THOC5: variants seen among roughly 807,000 people sequenced by gnomAD.
THOC5 encodes THO complex subunit 5, also known as Fms-interacting protein.
Under a neutral mutation model 92.9 loss-of-function variants are expected in THOC5, and 43 were observed. The ratio of observed to expected loss-of-function variants is 0.46; its 90% CI spans 0.36 to 0.60. The LOEUF (loss-of-function observed/expected upper bound fraction) is 0.60, where lower values mean the gene tolerates loss of function less well. Among genes scored for constraint, THOC5 ranks in the 20% least tolerant of loss-of-function variants. The pLI, the probability that THOC5 is intolerant of heterozygous loss-of-function variation, is 0.00. For missense variants in THOC5, 659 were observed against 849.4 expected (o/e 0.78, Z 2.79); for synonymous variants, 296 against 320.1 (o/e 0.92, Z 0.80).
chr22:29,506,146 CT>C lies in THOC5; in HGVS notation c.*2310del, dbSNP rs1414165832. ...GTACTGATATTAAAGGCGTAAGCCA[CT>C]GTGCCCAGCCCATCTTATTTTTTAA... On this transcript the variant is annotated 3_prime_UTR_variant, in exon 20 of 20. Transcript: ENST00000490103. The C allele has an allele frequency of 6.6e-6, 1 of 152,212 alleles. No individual in the cohort carries two copies. The highest frequency in any genetic ancestry group is 1.5e-5 in the Non-Finnish European group (1 of 68,052). 9.4% of individuals were successfully genotyped at this position (152,212 alleles called of 1,614,324 possible).
chr22:29,517,966 C>G (rs1280293204), intron 15 of THOC5, among the ~76,000 whole-genome samples: 2 of 152,206 alleles, frequency 1.3e-5, no homozygotes, highest in African/African-American at 4.8e-5. Flanking sequence ...AGTCTAAGAA[C>G]TGGTGGGGAG....
At chr22:29,545,328 T>C (rs1318379911) in intron 2 of THOC5, among the ~76,000 whole-genome samples, 1 of 152,092 alleles carries the variant, frequency 6.6e-6, no homozygotes, top group Admixed American at 6.6e-5. Context: ...CCAAACCATA[T>C]CATTCCGCCC....
At chr22:29,512,214 CCT>C (rs1425555608) in intron 17 of THOC5, 78 bp from the exon 18 acceptor site, 30 of 1,107,916 alleles carry the variant, frequency 2.7e-5, no homozygotes, top group Middle Eastern at 2.1e-4. Flanking sequence ...CCACTGCACC[CCT>C]GAGGCTAGCT....
At position 29,542,934 on chromosome 22, in the gene THOC5, T is replaced by C. The variant is rs2063929556; in HGVS notation, c.377A>G (p.Tyr126Cys). 12 of 1,612,610 alleles carry C rather than the reference T, an allele frequency of 7.4e-6. No individual in the cohort carries two copies. Among genetic ancestry groups the C allele is most frequent in the East Asian group, 2.2e-5 (1 of 44,874 alleles). Residue 126 changes from tyrosine (Y) to cysteine (C), a missense_variant, in exon 5 of 20, where the codon TAT (tyrosine) becomes TGT (cysteine). By Grantham distance (194) the Tyr-to-Cys change is radical (BLOSUM62 -2). Transcript: ENST00000490103. ...THEAKQKVDA[Y>C]HLQLQNLLYE... ...CAACAGGTTCTGGAGCTGCAGATGA[T>C]AGGCATCTACTTTCTGCTTAGCCTG...
intron 12 of THOC5, among the ~76,000 whole-genome samples, chr22:29,522,334 T>C (rs2063459237): frequency 6.6e-6 from 1 of 151,874 alleles, no homozygotes; most frequent in Non-Finnish European, 1.5e-5. Flanking sequence ...CACTCTAGCC[T>C]GGGTGACAGA....
intron 1 of THOC5, among the ~76,000 whole-genome samples, chr22:29,552,339 G>A (rs2064173177): frequency 6.6e-6 from 1 of 151,674 alleles, no homozygotes; most frequent in African/African-American, 2.4e-5. Flanking sequence ...TAGGAAGTGA[G>A]GAGTGTCTCT....
chr22:29,518,950 T>C (rs1484137210), intron 15 of THOC5, 56 bp downstream of exon 15: 3 of 1,094,694 alleles, frequency 2.7e-6, no homozygotes, highest in East Asian at 2.6e-5. Context: ...GCTAAGTTGT[T>C]GTTGTCCGTG....
chr22:29,542,936 G>A lies in THOC5; in HGVS notation c.375C>T (p.Ala125=), dbSNP rs2063929624. The A allele has an allele frequency of 6.2e-7, 1 of 1,612,602 alleles. No individual in the cohort carries two copies. ...QTHEAKQKVD[A]YHLQLQNLLY... Reference sequence around the variant, plus strand: ...ACAGGTTCTGGAGCTGCAGATGATAGGCATCTACTTTCTGCTTAGCCTGAA... The same window carrying A: ...ACAGGTTCTGGAGCTGCAGATGATAAGCATCTACTTTCTGCTTAGCCTGAA... Residue 125 remains alanine (A), a synonymous_variant, in exon 5 of 20, where the codon GCC becomes GCT. Coordinates refer to ENST00000490103, the MANE Select transcript of THOC5 (RefSeq NM_003678.5).
intron 12 of THOC5, among the ~76,000 whole-genome samples, chr22:29,523,871 C>G (rs1171723357): frequency 6.6e-6 from 1 of 152,010 alleles, no homozygotes; most frequent in Non-Finnish European, 1.5e-5. Context: ...GAGAATATAC[C>G]CTTTATGTTT....
rs16987733 is a variant in THOC5 at position 29,512,036 on chromosome 22, G to A, written c.1782C>T (p.Asn594=). 8,189 of 1,613,932 alleles carry A rather than the reference G, an allele frequency of 5.1e-3. 275 individuals are homozygous for A. In the African/African-American group the frequency reaches 0.078, roughly 15 times the overall value. ...TGGGTCTTACCCGAATGTTGTCATCGTTGCTGTTGGTTTTCTCCCCTTTCC... is the reference window on the plus strand; with the variant it reads ...TGGGTCTTACCCGAATGTTGTCATCATTGCTGTTGGTTTTCTCCCCTTTCC... The part of the protein sequence containing the change: ...LNWKGEKTNS[N]DDNIRAMEGE... The change falls in exon 18 of 20, where the codon AAC becomes AAT. Residue 594 remains asparagine (N), a synonymous_variant. Transcript: ENST00000490103.
At chr22:29,547,566 T>C (rs2064049303) in intron 2 of THOC5, among the ~76,000 whole-genome samples, 1 of 152,134 alleles carries the variant, frequency 6.6e-6, no homozygotes, top group South Asian at 2.1e-4. Flanking sequence ...GGTTTCACCA[T>C]CTTAGCCAGG....
At chr22:29,514,410 G>A (rs566535763) in intron 17 of THOC5, among the ~76,000 whole-genome samples, 2 of 144,448 alleles carry the variant, frequency 1.4e-5, no homozygotes, top group South Asian at 2.3e-4. Flanking sequence ...TCCGCCTCCC[G>A]GGTTCACGCC....
rs763441096 is a variant in THOC5, at chr22:29,549,039, T to C, written c.96+13A>G. On this transcript the variant is annotated intron_variant, in intron 2 of 19. Coordinates refer to ENST00000490103, the MANE Select transcript of THOC5 (RefSeq NM_003678.5). ...TAATTTCTCAGCAGCATGGCAACCC[T>C]GACTGATCTCACCTGCTCGGTGTCA... 23 of 1,613,434 alleles carry C rather than the reference T, an allele frequency of 1.4e-5. No homozygotes were observed. The highest frequency in any genetic ancestry group is 1.6e-5 in the Non-Finnish European group (19 of 1,179,690).
At chr22:29,509,254 C>T (rs1453805331) in intron 19 of THOC5, among the ~76,000 whole-genome samples, 1 of 140,076 alleles carries the variant, frequency 7.1e-6, no homozygotes, top group East Asian at 2.1e-4. Flanking sequence ...CCAGCCTGGG[C>T]GACAGAGTGA....
At chr22:29,526,013 G>A (rs1212688439) in intron 11 of THOC5, 67 bp from the exon 12 acceptor site, 1 of 1,032,126 alleles carries the variant, frequency 9.7e-7, no homozygotes, top group African/African-American at 1.6e-5. Context: ...CAGAGTCATA[G>A]GGGGTAGTAA....
chr22:29,523,263 A>C (rs554655168), intron 12 of THOC5, among the ~76,000 whole-genome samples: 71 of 152,106 alleles, frequency 4.7e-4, no homozygotes, highest in African/African-American at 1.6e-3. Context: ...ATAAATAAAT[A>C]AATAATAAAA....
At chr22:29,539,102 T>C (rs2146533354) in intron 6 of THOC5, among the ~76,000 whole-genome samples, 1 of 107,322 alleles carries the variant, frequency 9.3e-6, no homozygotes, top group African/African-American at 3.8e-5. Flanking sequence ...AGAGTGAGAC[T>C]CCATCTCAAA....
intron 9 of THOC5, 138 bp downstream of exon 9, chr22:29,529,024 G>T: frequency 1.2e-6 from 1 of 820,338 alleles, no homozygotes; most frequent in South Asian, 1.7e-5. Flanking sequence ...TCTCTTTCCT[G>T]TCTACTCCAG....
At chr22:29,522,343 G>T (rs1046738457) in intron 12 of THOC5, among the ~76,000 whole-genome samples, 3 of 151,742 alleles carry the variant, frequency 2.0e-5, no homozygotes, top group Non-Finnish European at 4.4e-5. Flanking sequence ...CTGGGTGACA[G>T]AGCGAGACTC....
Sources: allele counts gnomAD v4.1 joint callset (sites outside exome capture counted in the v4.1 genomes callset), GRCh38; gene constraint gnomAD v4.1.1; transcripts MANE v1.5; gene names NCBI Gene and HGNC (gene_info 2026-07-23, HGNC 2026-07-21).